The following GNL2 variants were observed in gnomAD, a reference collection of about 807,000 sequenced individuals.
GNL2 encodes the protein nucleolar GTP-binding protein 2.
Under a neutral mutation model 92.3 loss-of-function variants are expected in GNL2, and 51 were observed. That is an observed-to-expected ratio of 0.55 (90% CI 0.44 to 0.70). The LOEUF is 0.70. Ranked by LOEUF, GNL2 falls within the 30% of genes least tolerant of loss-of-function variation. The pLI is 0.00. For synonymous variants in GNL2, 283 were observed against 300.6 expected, an observed-to-expected ratio of 0.94 and a Z score of 0.61; for missense variants, 844 against 895.6, an observed-to-expected ratio of 0.94 and a Z score of 0.74.
chr1:37,571,096 T>C lies in GNL2; in HGVS notation c.1417-1794A>G, dbSNP rs182238648. Among the ~76,000 whole-genome samples the C allele has an allele frequency of 3.9e-5, 6 of 152,342 alleles. No homozygotes were observed. In the South Asian group the frequency reaches 1.2e-3, roughly 32 times the overall value. On this transcript the variant is annotated intron_variant, in intron 12 of 15. Transcript: ENST00000373062. ...TTTGGCTTTCAGTTTCTGAAGGGGT[T>C]TCTGCTCTTAACCAAAAAAGAAAAA...
chr1:37,595,663 G>A, intron 1 of GNL2, 96 bp downstream of exon 1: 3 of 1,009,034 alleles, frequency 3.0e-6, no homozygotes, highest in South Asian at 1.3e-5. Context: ...TCTAAGCAAT[G>A]CCACTCGAGT....
chr1:37,567,853 G>A (rs949634326), intron 14 of GNL2, 89 bp from the exon 15 acceptor site: 10 of 973,516 alleles, frequency 1.0e-5, no homozygotes, highest in Admixed American at 1.8e-5. Context: ...GTATCAGGAG[G>A]AGGACACCCA....
At chr1:37,577,433 C>T (rs948237989) in intron 8 of GNL2, among the ~76,000 whole-genome samples, 1 of 152,176 alleles carries the variant, frequency 6.6e-6, no homozygotes, top group Non-Finnish European at 1.5e-5. Context: ...TACATGCTAA[C>T]CCCGTTCCCT....
intron 5 of GNL2, among the ~76,000 whole-genome samples, chr1:37,586,631 TCA>T (rs1643854218): frequency 1.3e-5 from 2 of 152,328 alleles, no homozygotes; most frequent in South Asian, 2.1e-4. Flanking sequence ...GCCCCGATAT[TCA>T]CAGAGGCATT....
At chr1:37,578,642 C>G (rs1643716904) in intron 8 of GNL2, among the ~76,000 whole-genome samples, 1 of 152,038 alleles carries the variant, frequency 6.6e-6, no homozygotes, top group Non-Finnish European at 1.5e-5. Flanking sequence ...TCTGCGGCCT[C>G]TGTCTCCTGG....
intron 14 of GNL2, chr1:37,568,029 T>C (rs1250535261): frequency 1.0e-5 from 6 of 590,156 alleles, no homozygotes; most frequent in Non-Finnish European, 1.8e-5. Flanking sequence ...GGACCCACCC[T>C]TGGATTCTAG....
At chr1:37,583,212 T>G in intron 6 of GNL2, 1 of 240,608 alleles carries the variant, frequency 4.2e-6, no homozygotes, top group Non-Finnish European at 7.9e-6. Flanking sequence ...TTGAACTAAA[T>G]CATTTACTTC....
rs763383129 is a variant in GNL2 at position 37,582,863 on chromosome 1, A to G, written c.710T>C (p.Ile237Thr). The change falls in exon 7 of 16, where the codon ATT becomes ACT. Residue 237 changes from isoleucine to threonine, a missense_variant. Coordinates refer to ENST00000373062, the MANE Select transcript of GNL2 (RefSeq NM_013285.3). Reference sequence around the variant, plus strand: ...TTTTTCCTTCTTCAGGTAAGTTTCAATGTGAGGGGAACGAGTACCCATTGG... The same window carrying G: ...TTTTTCCTTCTTCAGGTAAGTTTCAGTGTGAGGGGAACGAGTACCCATTGG... ...RDPMGTRSPH[I>T]ETYLKKEKPW... 2.5e-6 allele frequency: 4 copies of G among 1,612,262 alleles called. No homozygotes were observed. Among genetic ancestry groups the G allele is most frequent in the Non-Finnish European group, 3.4e-6 (4 of 1,178,268 alleles).
At chr1:37,583,101 T>C in intron 6 of GNL2, 165 bp from the exon 7 acceptor site, 3 of 438,440 alleles carry the variant, frequency 6.8e-6, no homozygotes, top group Non-Finnish European at 1.2e-5. Context: ...TGATCAGAAT[T>C]CAAAAGGTTT....
intron 5 of GNL2, among the ~76,000 whole-genome samples, chr1:37,585,001 G>C (rs1643829756): frequency 6.6e-6 from 1 of 150,452 alleles, no homozygotes; most frequent in Non-Finnish European, 1.5e-5. Context: ...AGAATCGCTT[G>C]AACCCGGGAG....
At chr1:37,573,921 G>A (rs1643634668) in intron 12 of GNL2, among the ~76,000 whole-genome samples, 1 of 152,180 alleles carries the variant, frequency 6.6e-6, no homozygotes, top group African/African-American at 2.4e-5. Flanking sequence ...TTGAGATGGA[G>A]TCTCCCTCTA....
At position 37,595,900 on chromosome 1, in the gene GNL2, C is replaced by G. The variant is rs558326016; in HGVS notation, c.-78G>C. Reference sequence around the variant, plus strand: ...AAACTTTTATGTTCCCAAGCCCGGCCGAAGACACCCGCCTGAACCACGCCG... The same window carrying G: ...AAACTTTTATGTTCCCAAGCCCGGCGGAAGACACCCGCCTGAACCACGCCG... On this transcript the variant is annotated 5_prime_UTR_variant, in exon 1 of 16. Coordinates refer to ENST00000373062, the MANE Select transcript of GNL2 (RefSeq NM_013285.3). 5.7e-6 allele frequency: 7 copies of G among 1,229,862 alleles called. No homozygotes were observed. The highest frequency in any genetic ancestry group is 4.9e-5 in the South Asian group (4 of 82,004). The allele number at this position is 1,229,862 out of a possible 1,614,324, so 76.2% of individuals were successfully genotyped here.
chr1:37,567,426 A>T (rs998678351), intron 15 of GNL2, among the ~76,000 whole-genome samples: 1 of 152,122 alleles, frequency 6.6e-6, no homozygotes, highest in African/African-American at 2.4e-5. Flanking sequence ...TTGGGACTAG[A>T]AACTGACTCC....
At chr1:37,594,409 A>T (rs571682482) in intron 1 of GNL2, among the ~76,000 whole-genome samples, 2 of 152,330 alleles carry the variant, frequency 1.3e-5, no homozygotes, top group South Asian at 4.1e-4. Flanking sequence ...TTAATGTTTG[A>T]TTTTTGTTTA....
In GNL2 at chr1:37,574,328, C is replaced by G. The variant is rs777367193; in HGVS notation, c.1416+15G>C. The G allele has an allele frequency of 2.5e-6, 4 of 1,582,380 alleles. No individual in the cohort carries two copies. The highest frequency in any genetic ancestry group is 3.5e-6 in the Non-Finnish European group (4 of 1,152,698). ...GGACCCATGCTCCCCAGAGGTGGGCCCACCCTGCTCTTACCTGGGGGGCCA... is the reference window on the plus strand; with the variant it reads ...GGACCCATGCTCCCCAGAGGTGGGCGCACCCTGCTCTTACCTGGGGGGCCA... On this transcript the variant is annotated intron_variant, in intron 12 of 15. Coordinates refer to ENST00000373062, the MANE Select transcript of GNL2 (RefSeq NM_013285.3).
chr1:37,583,760 G>A, intron 6 of GNL2, 107 bp downstream of exon 6: 2 of 738,816 alleles, frequency 2.7e-6, no homozygotes, highest in Non-Finnish European at 4.9e-6. Flanking sequence ...AGGCAGTGGT[G>A]CCTGTACTCT....
At chr1:37,571,406 A>C (rs1041054792) in intron 12 of GNL2, among the ~76,000 whole-genome samples, 1 of 152,196 alleles carries the variant, frequency 6.6e-6, no homozygotes, top group African/African-American at 2.4e-5. Context: ...TAGAATCATA[A>C]GGTTTTTGTT....
intron 9 of GNL2, 199 bp downstream of exon 9, chr1:37,576,229 C>G (rs1038742344): frequency 1.5e-5 from 8 of 524,368 alleles, no homozygotes; most frequent in Admixed American, 1.1e-4. Context: ...CAAAGCCACA[C>G]GGGGGCATAT....
intron 8 of GNL2, among the ~76,000 whole-genome samples, chr1:37,577,629 G>A (rs1311242088): frequency 3.9e-5 from 6 of 152,064 alleles, no homozygotes; most frequent in Admixed American, 3.9e-4. Context: ...CTAAGTGGTT[G>A]TAAAGATAGA....
Sources: gnomAD v4.1 joint callset for allele counts (sites outside exome capture counted in the v4.1 genomes callset) on GRCh38, gnomAD v4.1.1 for gene constraint, MANE v1.5 for transcripts, NCBI Gene and HGNC (gene_info 2026-07-23, HGNC 2026-07-21) for gene names.